SERPINA12: variants seen among roughly 807,000 people sequenced by gnomAD.
SERPINA12 encodes serpin A12.
In SERPINA12, 21 loss-of-function variants were observed where a neutral mutation model predicts 25.9. The ratio of observed to expected loss-of-function variants is 0.81; its 90% CI spans 0.58 to 1.17. The LOEUF (loss-of-function observed/expected upper bound fraction) is 1.17, where lower values mean the gene tolerates loss of function less well. Ranked by LOEUF, SERPINA12 falls within the 50% of genes most tolerant of loss-of-function variation. SERPINA12 has a pLI of 0.00. For missense variants in SERPINA12, 562 were observed against 508.3 expected, an observed-to-expected ratio of 1.11 and a Z score of -1.02; for synonymous variants, 220 against 196.0, an observed-to-expected ratio of 1.12 and a Z score of -1.02.
upstream of SERPINA12, chr14:94,511,671 C>T (rs1183423759): frequency 2.0e-6 from 2 of 985,358 alleles, no homozygotes; most frequent in Non-Finnish European, 2.4e-6. Context: ...CTGCCTTTCC[C>T]TCATCCTCCT....
chr14:94,503,054 C>A (rs1900795606), intron 1 of SERPINA12, among the ~76,000 whole-genome samples: 1 of 152,248 alleles, frequency 6.6e-6, no homozygotes, highest in African/African-American at 2.4e-5. Context: ...AAGACCCTCA[C>A]AAGAGCCCTG....
At chr14:94,497,690 T>A in intron 2 of SERPINA12, 74 bp downstream of exon 2, 2 of 1,417,558 alleles carry the variant, frequency 1.4e-6, no homozygotes, top group South Asian at 1.4e-5. Context: ...AGTAAACAAG[T>A]GGCCAACCCA....
At chr14:94,491,195 G>C (rs1210899067) in intron 3 of SERPINA12, among the ~76,000 whole-genome samples, 1 of 152,196 alleles carries the variant, frequency 6.6e-6, no homozygotes, top group East Asian at 1.9e-4. Context: ...TTCTAGCAGG[G>C]AAGACAGGTG....
chr14:94,498,482 C>G, intron 1 of SERPINA12, 52 bp from the exon 2 acceptor site: 1 of 1,411,508 alleles, frequency 7.1e-7, no homozygotes, highest in Non-Finnish European at 9.7e-7. Context: ...TACATGTTAC[C>G]CAGAGGAAGA....
In SERPINA12 at chr14:94,496,492, T is replaced by C. The variant is rs1900427341; in HGVS notation, c.786A>G (p.Ile262Met). ...TGGCTGTGATATTTTTCTGGTAGGG[T>C]ATTTCCAGGATGGTGCAAGAGAGCT... ...DDKLSCTILE[I>M]PYQKNITAIF... The change falls in exon 3 of 5, where the codon ATA becomes ATG. Residue 262 changes from isoleucine (I) to methionine (M), a missense_variant. By Grantham distance (10) the Ile-to-Met change is conservative. Coordinates refer to ENST00000677451, the MANE Select transcript of SERPINA12 (RefSeq NM_001382267.1). 6.2e-7 allele frequency: 1 copy of C among 1,614,102 alleles called. No individual in the cohort carries two copies. The highest frequency in any genetic ancestry group is 8.5e-7 in the Non-Finnish European group (1 of 1,180,018).
chr14:94,495,634 G>A (rs991928922), intron 3 of SERPINA12, among the ~76,000 whole-genome samples: 4 of 152,190 alleles, frequency 2.6e-5, no homozygotes, highest in Admixed American at 1.3e-4. Context: ...AAGAGGGAAA[G>A]AGAACAGAGA....
intron 3 of SERPINA12, among the ~76,000 whole-genome samples, chr14:94,490,836 T>C (rs899164012): frequency 2.0e-5 from 3 of 152,136 alleles, no homozygotes; most frequent in Non-Finnish European, 4.4e-5. Context: ...AATCCCTTTC[T>C]CCAAGGTGAA....
chr14:94,515,682 C>G (rs529183315), intron 2 of SERPINA12: 1 of 121,250 alleles, frequency 8.2e-6, no homozygotes, highest in Non-Finnish European at 2.0e-5. Flanking sequence ...AGTGCAGATG[C>G]GGGCAAACAG....
chr14:94,507,449 G>A (rs930257908), intron 1 of SERPINA12, among the ~76,000 whole-genome samples: 2 of 152,210 alleles, frequency 1.3e-5, no homozygotes, highest in Admixed American at 1.3e-4. Context: ...TACGTGTAAT[G>A]TCTGTGTCTG....
intron 1 of SERPINA12, chr14:94,503,189 A>G (rs568078669): frequency 5.1e-6 from 5 of 984,272 alleles, no homozygotes; most frequent in Middle Eastern, 5.2e-4. Flanking sequence ...GCACATTTAG[A>G]ACTAAGTGGT....
At chr14:94,492,786 C>G (rs1367273100) in intron 3 of SERPINA12, among the ~76,000 whole-genome samples, 1 of 152,144 alleles carries the variant, frequency 6.6e-6, no homozygotes, top group East Asian at 1.9e-4. Context: ...GGGAGTGGAC[C>G]CTCGACACTT....
chr14:94,502,197 C>T (rs1029211638), intron 1 of SERPINA12, among the ~76,000 whole-genome samples: 1 of 152,132 alleles, frequency 6.6e-6, no homozygotes, highest in African/African-American at 2.4e-5. Context: ...TTTCAATTCT[C>T]TGATCATCCT....
intron 3 of SERPINA12, among the ~76,000 whole-genome samples, chr14:94,496,138 C>T (rs1956710): frequency 1.2e-3 from 190 of 152,280 alleles, no homozygotes; most frequent in African/African-American, 4.2e-3. Flanking sequence ...CCCTGACCAC[C>T]GCCCTCCAGT....
At chr14:94,510,716 C>G (rs1418999017), upstream of SERPINA12, among the ~76,000 whole-genome samples, 1 of 152,132 alleles carries the variant, frequency 6.6e-6, no homozygotes, top group Non-Finnish European at 1.5e-5. Context: ...AACAATAAAT[C>G]CATAAAGAAA....
At chr14:94,504,091 G>A (rs541096929) in intron 1 of SERPINA12, 2 of 152,372 alleles carry the variant, frequency 1.3e-5, no homozygotes, top group Non-Finnish European at 2.9e-5. Flanking sequence ...GAATAGACAA[G>A]AAGCACCGGA....
At chr14:94,491,590 G>A (rs1018043837) in intron 3 of SERPINA12, among the ~76,000 whole-genome samples, 21 of 152,002 alleles carry the variant, frequency 1.4e-4, no homozygotes, top group African/African-American at 3.9e-4. Flanking sequence ...CCACAGAGAC[G>A]GCGGAAAGAT....
At chr14:94,488,291 C>T (rs1247030107) in intron 4 of SERPINA12, among the ~76,000 whole-genome samples, 4 of 152,038 alleles carry the variant, frequency 2.6e-5, no homozygotes, top group Non-Finnish European at 4.4e-5. Flanking sequence ...TTCAGAGCAG[C>T]GGGCTCAGCT....
intron 3 of SERPINA12, among the ~76,000 whole-genome samples, chr14:94,490,512 C>T (rs1900130979): frequency 6.6e-6 from 1 of 151,944 alleles, no homozygotes; most frequent in Admixed American, 6.5e-5. Context: ...GCCTATGTGT[C>T]CTCTCTCTCC....
intron 1 of SERPINA12, chr14:94,516,172 A>G (rs1314186528): frequency 6.6e-6 from 1 of 152,366 alleles, no homozygotes; most frequent in Admixed American, 6.5e-5. Context: ...GAGTGATATG[A>G]GATAGAGGTT....
Sources: gnomAD v4.1 joint callset for allele counts (sites outside exome capture counted in the v4.1 genomes callset) on GRCh38, gnomAD v4.1.1 for gene constraint, MANE v1.5 for transcripts, NCBI Gene and HGNC (gene_info 2026-07-23, HGNC 2026-07-21) for gene names.